Variants in ECE1 observed in about 807,000 individuals in gnomAD.
ECE1 encodes the protein endothelin converting enzyme 1.
Under a neutral mutation model 98.6 loss-of-function variants are expected in ECE1, and 35 were observed. The observed-to-expected ratio is 0.35, with a 90% CI of 0.27 to 0.47. The LOEUF is 0.47. Ranked by LOEUF, ECE1 falls within the 20% of genes least tolerant of loss-of-function variation. The probability of loss-of-function intolerance (pLI) is 1.00; values close to 1 mark genes in which losing one functional copy is unlikely to be tolerated. For synonymous variants in ECE1, 394 were observed against 407.1 expected, an observed-to-expected ratio of 0.97 and a Z score of 0.39; for missense variants, 814 against 1,025.3, an observed-to-expected ratio of 0.79 and a Z score of 2.81.
At chr1:21,276,098 T>C (rs1168127881) in intron 3 of ECE1, among the ~76,000 whole-genome samples, 2 of 139,930 alleles carry the variant, frequency 1.4e-5, no homozygotes, top group Non-Finnish European at 3.0e-5. Flanking sequence ...TAATCTCGAC[T>C]CGCTGCAACC....
intron 17 of ECE1, 156 bp from the exon 18 acceptor site, chr1:21,221,998 T>A (rs1014535292): frequency 1.4e-6 from 1 of 727,974 alleles, no homozygotes; most frequent in Non-Finnish European, 2.5e-6. Flanking sequence ...CTCTTCTTGA[T>A]GTGCACTCGT....
chr1:21,345,460 C>T lies in ECE1; in HGVS notation c.-82G>A. 2 of 1,215,428 alleles carry T rather than the reference C, an allele frequency of 1.6e-6. No individual in the cohort carries two copies. The highest frequency in any genetic ancestry group is 2.1e-6 in the Non-Finnish European group (2 of 956,338). The allele number at this position is 1,215,428 out of a possible 1,614,324, so 75.3% of individuals were successfully genotyped here. On this transcript the variant is annotated 5_prime_UTR_variant, in exon 1 of 19. Transcript: ENST00000415912. The surrounding 1 kb of genome is among the most constrained non-coding windows in gnomAD (Gnocchi z 5.1). The stretch of plus-strand genomic sequence containing the variant: ...CAGCTCCGGGTTCCCTGCTCCCAGC[C>T]CAGCTGCTCGGACGGCTCGGCTGCC...
rs1007687630 is a variant in ECE1 at position 21,277,684 on chromosome 1, T to C, written c.280+1507A>G. 9.9e-5 allele frequency among the ~76,000 whole-genome samples: 15 copies of C among 152,202 alleles called. 1 individual carries two copies. The highest frequency in any genetic ancestry group is 2.1e-4 in the South Asian group (1 of 4,834). Reference sequence around the variant, plus strand: ...CCCCTTCGTTCATTCAAACATTAATTTATTCATTTTACTATCTGCACACCT... The same window carrying C: ...CCCCTTCGTTCATTCAAACATTAATCTATTCATTTTACTATCTGCACACCT... On this transcript the variant is annotated intron_variant, in intron 3 of 18. Transcript: ENST00000374893.
chr1:21,327,088 T>C lies in ECE1; in HGVS notation c.3+18288A>G, dbSNP rs529669233. Among the ~76,000 whole-genome samples, 4 of 152,206 alleles carry C rather than the reference T, an allele frequency of 2.6e-5. No homozygotes were observed. Among genetic ancestry groups the C allele is most frequent in the African/African-American group, 7.2e-5 (3 of 41,546 alleles). ...TTGGAGGTCACAGCACTGCCCTCCC[T>C]GTAGATGCTTCAAAGCACCCCACTC... On this transcript the variant is annotated intron_variant, in intron 1 of 18. Transcript: ENST00000415912. The surrounding 1 kb of genome is among the most constrained non-coding windows in gnomAD (Gnocchi z 4.6).
intron 17 of ECE1, 84 bp from the exon 18 acceptor site, chr1:21,221,926 C>T: frequency 7.9e-7 from 1 of 1,258,712 alleles, no homozygotes; most frequent in Non-Finnish European, 1.2e-6. Flanking sequence ...CAGGGAGCTC[C>T]CCCGTGTTGG....
In ECE1 at chr1:21,247,378, G is replaced by T. The variant is rs775853230; in HGVS notation, c.1021-15C>A. 3 of 1,614,206 alleles carry T rather than the reference G, an allele frequency of 1.9e-6. No homozygotes were observed. Among genetic ancestry groups the T allele is most frequent in the South Asian group, 2.2e-5 (2 of 91,082 alleles). The stretch of plus-strand genomic sequence containing the variant: ...GGTGCCAAGGTCTGCAAGGGAAAAG[G>T]ACAGTGTGACCCTGTGGGGCTGCTC... On this transcript the variant is annotated splice_polypyrimidine_tract_variant and intron_variant, in intron 8 of 18. Transcript: ENST00000374893.
rs576192448 is a variant in ECE1, at chr1:21,342,658, C to A, written c.3+2718G>T. Among the ~76,000 whole-genome samples, 5 of 151,784 alleles carry A rather than the reference C, an allele frequency of 3.3e-5. No individual in the cohort carries two copies. In the South Asian group the frequency reaches 6.2e-4, roughly 19 times the overall value. The stretch of plus-strand genomic sequence containing the variant: ...CACACACACACACACGCCCTGCAAA[C>A]GCGCCGCATTAGGAACCCAGGGGCC... On this transcript the variant is annotated intron_variant, in intron 1 of 18. Coordinates refer to the ECE1 transcript ENST00000415912.
chr1:21,267,196 T>G (rs1395132503), intron 4 of ECE1: 1 of 152,378 alleles, frequency 6.6e-6, no homozygotes, highest in Admixed American at 6.5e-5. Flanking sequence ...TGCCTTGATC[T>G]TGGACTTCAC....
chr1:21,227,792 C>A, intron 15 of ECE1, 139 bp downstream of exon 15: 1 of 669,696 alleles, frequency 1.5e-6, no homozygotes, highest in South Asian at 1.8e-5. Flanking sequence ...GAGGATGTTG[C>A]TTCCTCTGCA....
chr1:21,225,489 G>A lies in ECE1; in HGVS notation c.1850-49C>T, dbSNP rs1258361682. 2.5e-6 allele frequency: 4 copies of A among 1,594,796 alleles called. No individual in the cohort carries two copies. The highest frequency in any genetic ancestry group is 2.6e-6 in the Non-Finnish European group (3 of 1,169,510). On this transcript the variant is annotated intron_variant, in intron 16 of 18. Coordinates refer to ENST00000374893, the MANE Select transcript of ECE1 (RefSeq NM_001397.3). This position sits in a 1 kb window ranked among gnomAD's most constrained non-coding sequence, Gnocchi z 5.3. ...TGTCAAGGGAGGGAGGGGCACAGCAGGGACCTGCTGCTCCTCCCTGCTCCT... is the reference window on the plus strand; with the variant it reads ...TGTCAAGGGAGGGAGGGGCACAGCAAGGACCTGCTGCTCCTCCCTGCTCCT...
In ECE1 at chr1:21,345,499, G is replaced by T. The variant is rs1362195474; in HGVS notation, c.-121C>A. ...GGCTCGGCTGCCTGGCCCAGGCGGC[G>T]CGCTCAGCTCCAGCGGGCGAGCTCG... On this transcript the variant is annotated 5_prime_UTR_variant, in exon 1 of 19. Transcript: ENST00000415912. This position sits in a 1 kb window ranked among gnomAD's most constrained non-coding sequence, Gnocchi z 5.1. 3.0e-6 allele frequency: 3 copies of T among 983,802 alleles called. No homozygotes were observed. Among genetic ancestry groups the T allele is most frequent in the African/African-American group, 1.7e-5 (1 of 58,658 alleles). 60.9% of individuals were successfully genotyped at this position (983,802 alleles called of 1,614,324 possible).
chr1:21,255,072 A>G (rs924521647), intron 8 of ECE1, among the ~76,000 whole-genome samples: 1 of 152,232 alleles, frequency 6.6e-6, no homozygotes, highest in Non-Finnish European at 1.5e-5. Context: ...CAAGGTCCCA[A>G]GACGGACCCA....
rs771296480 is a variant in ECE1 at position 21,279,209 on chromosome 1, C to T, written c.262G>A (p.Gly88Ser). ...AGLVACLAAL[G>S]IQYQTRSPSV... ...CACCTACTTGTCTGGTACTGGATGC[C>T]CAGTGCTGCCAAGCAGGCCACCAGT... The change falls in exon 3 of 19, where the codon GGC becomes AGC. Residue 88 changes from glycine to serine, a missense_variant. Transcript: ENST00000374893. The T allele has an allele frequency of 2.2e-5, 35 of 1,614,178 alleles. No individual in the cohort carries two copies. Among genetic ancestry groups the T allele is most frequent in the East Asian group, 6.7e-5 (3 of 44,876 alleles).
chr1:21,294,799 C>T (rs1638306189), upstream of ECE1, among the ~76,000 whole-genome samples: 1 of 152,114 alleles, frequency 6.6e-6, no homozygotes, highest in Admixed American at 6.6e-5. The surrounding 1 kb of genome is among the most constrained non-coding windows in gnomAD (Gnocchi z 4.2). Context: ...AAAGGGAAGC[C>T]CCACATGTGA....
chr1:21,229,350 A>AT (rs893053325), intron 14 of ECE1, among the ~76,000 whole-genome samples: 102 of 146,042 alleles, frequency 7.0e-4, no homozygotes, highest in Admixed American at 1.4e-3. Context: ...TGCCTGGCTA[A>AT]TTTTTTTTTT....
chr1:21,343,260 C>A (rs564553610), intron 1 of ECE1, among the ~76,000 whole-genome samples: 11 of 152,238 alleles, frequency 7.2e-5, no homozygotes, highest in Non-Finnish European at 8.8e-5. Context: ...TCAGTCAATT[C>A]TTTCCTCCCT....
At chr1:21,237,120 C>T (rs28368012) in intron 11 of ECE1, among the ~76,000 whole-genome samples, 3,924 of 152,216 alleles carry the variant, frequency 0.026, 87 homozygotes, top group Non-Finnish European at 0.034. Flanking sequence ...TGGTACTTTT[C>T]AGAGCCTTTA....
intron 10 of ECE1, among the ~76,000 whole-genome samples, chr1:21,242,820 A>G (rs778896137): frequency 1.3e-5 from 2 of 152,222 alleles, no homozygotes; most frequent in East Asian, 1.9e-4. Context: ...TCTGTTGCTC[A>G]GGCTGGAGTG....
chr1:21,248,345 C>T (rs212514), intron 8 of ECE1, among the ~76,000 whole-genome samples: 26,341 of 151,936 alleles, frequency 0.17, 2,757 homozygotes, highest in African/African-American at 0.29. Flanking sequence ...ACTTAATTTT[C>T]GTATTTTTAG....
Sources: gnomAD v4.1 joint callset for allele counts (sites outside exome capture counted in the v4.1 genomes callset) on GRCh38, gnomAD v4.1.1 for gene constraint, Gnocchi (gnomAD v3.1) non-coding constraint, MANE v1.5 for transcripts, NCBI Gene and HGNC (gene_info 2026-07-23, HGNC 2026-07-21) for gene names.